The following NEK10 variants were observed in gnomAD, a reference collection of about 807,000 sequenced individuals.
The protein encoded by NEK10 is serine/threonine-protein kinase Nek10.
Under a neutral mutation model 159.8 loss-of-function variants are expected in NEK10, and 122 were observed. The observed-to-expected ratio is 0.76, with a 90% CI of 0.66 to 0.89. The LOEUF (loss-of-function observed/expected upper bound fraction) is 0.89. NEK10 is among the 40% of genes least tolerant of loss of function. The pLI, the probability that NEK10 is intolerant of heterozygous loss-of-function variation, is 0.00. For missense variants in NEK10, 1,342 were observed against 1,323.1 expected, an observed-to-expected ratio of 1.01 and a Z score of -0.22; for synonymous variants, 466 against 457.1, an observed-to-expected ratio of 1.02 and a Z score of -0.25.
At chr3:27,217,420 A>G (rs1366917531) in intron 23 of NEK10, among the ~76,000 whole-genome samples, 2 of 152,284 alleles carry the variant, frequency 1.3e-5, no homozygotes, top group East Asian at 1.9e-4. Context: ...GCATCTTCGC[A>G]TGGCCAGAGC....
intron 32 of NEK10, among the ~76,000 whole-genome samples, chr3:27,123,075 T>C (rs902912045): frequency 3.9e-5 from 6 of 152,236 alleles, no homozygotes; most frequent in Non-Finnish European, 8.8e-5. Context: ...ATATACACAT[T>C]GTTTTAGCAA....
intron 23 of NEK10, among the ~76,000 whole-genome samples, chr3:27,249,186 G>A (rs1232768795): frequency 1.3e-5 from 2 of 152,150 alleles, no homozygotes; most frequent in African/African-American, 2.4e-5. Context: ...TGTAAAGAAG[G>A]AGCCTTGCTT....
chr3:27,347,778 T>C (rs532890655), intron 3 of NEK10, among the ~76,000 whole-genome samples: 2 of 152,146 alleles, frequency 1.3e-5, no homozygotes, highest in Non-Finnish European at 2.9e-5. Flanking sequence ...GAGCCAGCAA[T>C]GCTTAGTGGT....
At chr3:27,313,801 C>T (rs2044914434) in intron 7 of NEK10, among the ~76,000 whole-genome samples, 1 of 152,094 alleles carries the variant, frequency 6.6e-6, no homozygotes, top group African/African-American at 2.4e-5. Flanking sequence ...CAACCTCCGC[C>T]CCCCAGGTTT....
At chr3:27,365,608 G>GT (rs1559571320) in intron 1 of NEK10, among the ~76,000 whole-genome samples, 3 of 64,938 alleles carry the variant, frequency 4.6e-5, no homozygotes, top group South Asian at 5.3e-4. Context: ...TTTTTTTTTT[G>GT]TGTTTTTTTT....
intron 23 of NEK10, among the ~76,000 whole-genome samples, chr3:27,255,505 A>T (rs916540251): frequency 1.6e-4 from 4 of 24,964 alleles, no homozygotes; most frequent in East Asian, 9.5e-4. Flanking sequence ...GCTAGATTTA[A>T]AAAAAAATAA....
intron 5 of NEK10, among the ~76,000 whole-genome samples, chr3:27,331,251 C>CAAAAAAAAAAAAAAA (rs1247716064): frequency 1.1e-4 from 6 of 53,898 alleles, no homozygotes; most frequent in African/African-American, 2.8e-4. Flanking sequence ...AAAAAAAAAA[C>CAAAAAAAAAAAAAAA]AAAAAAAAAA....
Position 27,274,460 on chromosome 3 carries a change from G to T in NEK10, c.2014+10142C>A, listed in dbSNP as rs577798105. 2.0e-5 allele frequency among the ~76,000 whole-genome samples: 3 copies of T among 152,254 alleles called. No individual in the cohort carries two copies. In the South Asian group the frequency reaches 6.2e-4, roughly 32 times the overall value. On this transcript the variant is annotated intron_variant, in intron 22 of 35. Transcript: ENST00000691995. Reference sequence around the variant, plus strand: ...ACACTGTATCTGGGGTTAATGGGAAGTAAACCACAGAGGGCTCTTCTAAAA... The same window carrying T: ...ACACTGTATCTGGGGTTAATGGGAATTAAACCACAGAGGGCTCTTCTAAAA...
intron 22 of NEK10, among the ~76,000 whole-genome samples, chr3:27,270,002 T>C (rs991401039): frequency 1.3e-5 from 2 of 152,220 alleles, no homozygotes; most frequent in Admixed American, 1.3e-4. Flanking sequence ...TTGAAAAATG[T>C]TCACCAGTTC....
At chr3:27,324,906 GA>G (rs1382761852) in intron 5 of NEK10, among the ~76,000 whole-genome samples, 4 of 152,120 alleles carry the variant, frequency 2.6e-5, no homozygotes, top group Non-Finnish European at 5.9e-5. Flanking sequence ...CAGTCATGCT[GA>G]CCTTCTCATT....
At chr3:27,256,912 C>CTTTT (rs550014186) in intron 22 of NEK10, among the ~76,000 whole-genome samples, 3,613 of 124,902 alleles carry the variant, frequency 0.029, 107 homozygotes, top group African/African-American at 0.068. Flanking sequence ...TTTTTTCTCT[C>CTTTT]TTTTTTTTTT....
chr3:27,127,078 AAAGAT>A (rs1942049133), intron 32 of NEK10, among the ~76,000 whole-genome samples: 1 of 152,194 alleles, frequency 6.6e-6, no homozygotes, highest in Non-Finnish European at 1.5e-5. Context: ...TTACAAAAGT[AAAGAT>A]AACAATTCAA....
chr3:27,292,714 G>T (rs1354795647), intron 16 of NEK10, among the ~76,000 whole-genome samples: 1 of 147,486 alleles, frequency 6.8e-6, no homozygotes, highest in East Asian at 2.0e-4. Flanking sequence ...CATGCCTGTA[G>T]TCCCAGCTAC....
intron 3 of NEK10, among the ~76,000 whole-genome samples, chr3:27,347,436 A>G (rs563923495): frequency 5.2e-5 from 7 of 133,602 alleles, no homozygotes; most frequent in Non-Finnish European, 9.3e-5. Context: ...CAGGAGGCAG[A>G]GGTTGCGATA....
chr3:27,296,297 CTG>C (rs1415280205), intron 14 of NEK10, among the ~76,000 whole-genome samples: 2 of 152,148 alleles, frequency 1.3e-5, no homozygotes, highest in East Asian at 1.9e-4. Context: ...TGTAACAACT[CTG>C]TGAAATTAGT....
At chr3:27,337,514 A>G (rs1438474537) in intron 5 of NEK10, among the ~76,000 whole-genome samples, 3 of 152,206 alleles carry the variant, frequency 2.0e-5, no homozygotes. Context: ...GCAAAAGAAC[A>G]AAGCAGGACC....
chr3:27,258,173 A>C (rs1956413021), intron 22 of NEK10, among the ~76,000 whole-genome samples: 1 of 152,128 alleles, frequency 6.6e-6, no homozygotes, highest in African/African-American at 2.4e-5. Flanking sequence ...AATAGTATGA[A>C]AGTAAAATTT....
At chr3:27,137,511 C>T (rs994617547) in intron 31 of NEK10, among the ~76,000 whole-genome samples, 1 of 152,128 alleles carries the variant, frequency 6.6e-6, no homozygotes, top group Non-Finnish European at 1.5e-5. Context: ...GTTAAGAATG[C>T]TTTTTCCATA....
intron 1 of NEK10, among the ~76,000 whole-genome samples, chr3:27,357,372 T>G (rs1430033518): frequency 1.3e-5 from 2 of 152,236 alleles, no homozygotes; most frequent in Non-Finnish European, 2.9e-5. Flanking sequence ...TAAAACTCTT[T>G]TATAAATAAA....
Sources: gnomAD v4.1 joint callset for allele counts (sites outside exome capture counted in the v4.1 genomes callset) on GRCh38, gnomAD v4.1.1 for gene constraint, MANE v1.5 for transcripts, NCBI Gene and HGNC (gene_info 2026-07-23, HGNC 2026-07-21) for gene names.